YME1L1: variants seen among roughly 807,000 people sequenced by gnomAD.
The protein encoded by YME1L1 is ATP-dependent zinc metalloprotease YME1L1.
A neutral mutation model predicts 90.4 loss-of-function variants in YME1L1; 39 were observed. The observed-to-expected ratio is 0.43, with a 90% CI of 0.33 to 0.56. The LOEUF (loss-of-function observed/expected upper bound fraction) is 0.56. YME1L1 is among the 20% of genes least tolerant of loss of function. YME1L1 has a pLI of 0.03. For synonymous variants in YME1L1, 284 were observed against 287.3 expected, an observed-to-expected ratio of 0.99 and a Z score of 0.12; for missense variants, 617 against 868.4, an observed-to-expected ratio of 0.71 and a Z score of 3.64.
At chr10:27,121,595 G>C (rs915193331) in intron 11 of YME1L1, 147 bp from the exon 12 acceptor site, 7 of 581,782 alleles carry the variant, frequency 1.2e-5, no homozygotes, top group Non-Finnish European at 2.2e-5. Flanking sequence ...TATGATCATA[G>C]CTCACTGCTG....
At chr10:27,135,979 C>T (rs2057022981) in intron 5 of YME1L1, among the ~76,000 whole-genome samples, 1 of 152,132 alleles carries the variant, frequency 6.6e-6, no homozygotes, top group Admixed American at 6.6e-5. Flanking sequence ...GGAGGTAAGG[C>T]AACATGGACA....
chr10:27,119,164 C>T, intron 14 of YME1L1, 130 bp downstream of exon 14: 2 of 935,430 alleles, frequency 2.1e-6, no homozygotes, highest in Non-Finnish European at 3.0e-6. Flanking sequence ...AACCCAGACA[C>T]TGAAGTTTTA....
In YME1L1 at chr10:27,121,400, T is replaced by C; in HGVS notation, c.1284A>G (p.Pro428=). Residue 428 remains proline (P), a synonymous_variant, in exon 12 of 19, where the codon CCA becomes CCG. Transcript: ENST00000376016. ...GVIIIGATNF[P]EALDNALIRP... ...TTAATACTTACTTATCTAATGCCTC[T>C]GGGAAGTTTGTGGCTCCTATTATGA... The C allele has an allele frequency of 6.2e-7, 1 of 1,606,320 alleles. No individual in the cohort carries two copies.
intron 9 of YME1L1, 100 bp from the exon 10 acceptor site, chr10:27,123,799 G>T: frequency 2.4e-6 from 3 of 1,263,766 alleles, no homozygotes; most frequent in Non-Finnish European, 3.2e-6. Flanking sequence ...TAATTTTCAG[G>T]CTGAGGTCAC....
At chr10:27,135,272 T>C (rs529404468) in intron 5 of YME1L1, among the ~76,000 whole-genome samples, 21 of 152,308 alleles carry the variant, frequency 1.4e-4, no homozygotes, top group Middle Eastern at 3.4e-3. Context: ...TTAATGTTCA[T>C]ATCCCTCTAT....
chr10:27,147,050 C>A, intron 2 of YME1L1: 1 of 251,042 alleles, frequency 4.0e-6, no homozygotes, highest in African/African-American at 2.2e-5. Flanking sequence ...AAACAAAAAG[C>A]CATCCAAGGG....
intron 4 of YME1L1, among the ~76,000 whole-genome samples, chr10:27,141,111 C>T (rs2057082308): frequency 6.6e-6 from 1 of 152,090 alleles, no homozygotes; most frequent in South Asian, 2.1e-4. Context: ...ATACAGTGAT[C>T]AGGGCCTGGC....
chr10:27,133,515 A>G (rs947868958), intron 7 of YME1L1, among the ~76,000 whole-genome samples: 6 of 152,342 alleles, frequency 3.9e-5, no homozygotes, highest in South Asian at 2.1e-4. Flanking sequence ...TAAAATAGTA[A>G]TTCTAGAATG....
intron 2 of YME1L1, chr10:27,146,452 C>T (rs1468036687): frequency 6.6e-6 from 1 of 152,170 alleles, no homozygotes; most frequent in African/African-American, 2.4e-5. Flanking sequence ...AAGAGAGGCA[C>T]TTAAAGGCAA....
rs557594545 is a variant in YME1L1 at position 27,153,087 on chromosome 10, G to A, written c.33+1091C>T. The A allele has an allele frequency of 7.4e-4, 325 of 439,874 alleles. 1 individual carries two copies. The highest frequency in any genetic ancestry group is 5.2e-3 in the South Asian group (317 of 61,520). 27.2% of individuals were successfully genotyped at this position (439,874 alleles called of 1,614,324 possible). On this transcript the variant is annotated intron_variant, in intron 1 of 18. Coordinates refer to ENST00000376016, the MANE Select transcript of YME1L1 (RefSeq NM_014263.4). The stretch of plus-strand genomic sequence containing the variant: ...AGCCTTATTTTTGTTCCTTCAACCT[G>A]CTAAACCCTTTCCTAACTCAGGACC...
In YME1L1 at chr10:27,136,246, GCT is replaced by G. The variant is rs764189486; in HGVS notation, c.540+28_540+29del. 6 of 1,560,942 alleles carry G rather than the reference GCT, an allele frequency of 3.8e-6. No homozygotes were observed. The African/African-American group carries it at 8.3e-5, about 22-fold the overall frequency. On this transcript the variant is annotated intron_variant, in intron 5 of 18. Transcript: ENST00000376016. The stretch of plus-strand genomic sequence containing the variant: ...TCACTCTAACAACTTGAAAATATTT[GCT>G]TTTTGGATCATAAAAAGGTCTAATT...
chr10:27,143,699 T>TAAAAA (rs10671752), intron 3 of YME1L1, among the ~76,000 whole-genome samples: 13,474 of 133,812 alleles, frequency 0.1, 1,120 homozygotes, highest in East Asian at 0.41. Flanking sequence ...CTCGTCTCTT[T>TAAAAA]AAAAAAAAAA....
rs2056761614 is a variant in YME1L1, at chr10:27,111,825, C to T, written c.*152G>A. ...GGTGTCATAATGAGAATAACCCAAACTGGATAAATGTGACAAATGATTGAC... is the reference window on the plus strand; with the variant it reads ...GGTGTCATAATGAGAATAACCCAAATTGGATAAATGTGACAAATGATTGAC... On this transcript the variant is annotated 3_prime_UTR_variant, in exon 19 of 19. Transcript: ENST00000376016. 9.6e-7 allele frequency: 1 copy of T among 1,038,268 alleles called. No homozygotes were observed. Among genetic ancestry groups the T allele is most frequent in the Non-Finnish European group, 1.5e-6 (1 of 674,812 alleles). 64.3% of individuals were successfully genotyped at this position (1,038,268 alleles called of 1,614,324 possible).
intron 17 of YME1L1, among the ~76,000 whole-genome samples, chr10:27,115,323 CTTTT>C: frequency 7.0e-6 from 1 of 142,406 alleles, no homozygotes; most frequent in East Asian, 2.0e-4. Context: ...CATTTAAAAT[CTTTT>C]TTTTTTTTTT....
intron 3 of YME1L1, among the ~76,000 whole-genome samples, chr10:27,142,825 C>T (rs757060359): frequency 5.3e-5 from 8 of 152,276 alleles, no homozygotes; most frequent in Non-Finnish European, 1.0e-4. Flanking sequence ...ACGCCATTCT[C>T]CTGCCTCGGC....
chr10:27,121,895 C>G lies in YME1L1; in HGVS notation c.1236-447G>C, dbSNP rs535706359. On this transcript the variant is annotated intron_variant, in intron 11 of 18. Coordinates refer to ENST00000376016, the MANE Select transcript of YME1L1 (RefSeq NM_014263.4). ...GGATTACAGGCGCCTGCCACCACAC[C>G]CAGCTAATTCTTATATTTTTAGTAA... is the stretch of plus-strand genomic sequence containing the variant. Among the ~76,000 whole-genome samples the G allele has an allele frequency of 3.3e-5, 5 of 151,866 alleles. No homozygotes were observed. In the East Asian group the frequency reaches 9.7e-4, roughly 29 times the overall value.
chr10:27,137,134 C>A, intron 4 of YME1L1, among the ~76,000 whole-genome samples: 1 of 151,844 alleles, frequency 6.6e-6, no homozygotes, highest in Non-Finnish European at 1.5e-5. Flanking sequence ...GTAAGTGTAT[C>A]AAATTAGTGT....
In YME1L1 at chr10:27,122,908, T is replaced by G; in HGVS notation, c.1168A>C (p.Arg390=). 2.5e-6 allele frequency: 4 copies of G among 1,613,570 alleles called. No homozygotes were observed. The highest frequency in any genetic ancestry group is 3.4e-6 in the Non-Finnish European group (4 of 1,179,754). Residue 390 remains arginine (R), a synonymous_variant, in exon 11 of 19, where the codon AGA becomes CGA. Coordinates refer to ENST00000376016, the MANE Select transcript of YME1L1 (RefSeq NM_014263.4). ...TATGGATGCATTGGAGATTCAATTC[T>G]CTTCCCACCAACAGAATCTAATTCA... ...IDELDSVGGK[R]IESPMHPYSR...
intron 5 of YME1L1, among the ~76,000 whole-genome samples, chr10:27,135,973 G>A (rs1368486143): frequency 1.3e-5 from 2 of 152,178 alleles, no homozygotes; most frequent in East Asian, 1.9e-4. Context: ...GATGTGGGAG[G>A]TAAGGCAACA....
Sources: allele counts gnomAD v4.1 joint callset (sites outside exome capture counted in the v4.1 genomes callset), GRCh38; gene constraint gnomAD v4.1.1; transcripts MANE v1.5; gene names NCBI Gene and HGNC (gene_info 2026-07-23, HGNC 2026-07-21).